NCKAP5: variants seen among roughly 807,000 people sequenced by gnomAD.
NCKAP5 encodes NCK associated protein 5, also known as nck-associated protein 5.
In NCKAP5, 92 loss-of-function variants were observed where a neutral mutation model predicts 167.0. That is an observed-to-expected ratio of 0.55 (90% CI 0.47 to 0.66). The LOEUF (loss-of-function observed/expected upper bound fraction) is 0.66. NCKAP5 is among the 30% of genes least tolerant of loss of function. NCKAP5 has a pLI of 0.00. For missense variants in NCKAP5, 2,378 were observed against 2,315.0 expected (o/e 1.03, Z -0.56); for synonymous variants, 891 against 877.4 (o/e 1.02, Z -0.27).
At chr2:133,453,678 C>T (rs1691680991) in intron 3 of NCKAP5, among the ~76,000 whole-genome samples, 1 of 151,842 alleles carries the variant, frequency 6.6e-6, no homozygotes, top group Non-Finnish European at 1.5e-5. Flanking sequence ...ATTCATAAAA[C>T]AGGAAAATGA....
intron 4 of NCKAP5, among the ~76,000 whole-genome samples, chr2:133,254,986 C>A (rs1295159180): frequency 6.6e-6 from 1 of 151,912 alleles, no homozygotes; most frequent in African/African-American, 2.4e-5. Flanking sequence ...AACTTCTGAC[C>A]TAATCATTAG....
At position 133,526,247 on chromosome 2, in the gene NCKAP5, AGGAGGGAGGGAG is replaced by A. The variant is rs1450146124; in HGVS notation, c.-61-8672_-61-8661del. On this transcript the variant is annotated intron_variant, in intron 2 of 19. Transcript: ENST00000409261. ...AGGAAGAAAGGAAAGGAGGGAGGGA[AGGAGGGAGGGAG>A]GGAAGGAGGGAGGGAGGGAAGGAGG... Among the ~76,000 whole-genome samples, 16 of 24,036 alleles carry A rather than the reference AGGAGGGAGGGAG, an allele frequency of 6.7e-4. 2 individuals carry two copies. The highest frequency in any genetic ancestry group is 2.5e-3 in the African/African-American group (13 of 5,120). 15.8% of individuals were successfully genotyped at this position (24,036 alleles called of 152,430 possible).
At chr2:133,163,535 T>G (rs2083883496) in intron 5 of NCKAP5, among the ~76,000 whole-genome samples, 1 of 152,192 alleles carries the variant, frequency 6.6e-6, no homozygotes, top group South Asian at 2.1e-4. Context: ...CAGGACAGCT[T>G]TATATTTTTG....
At chr2:133,570,064 A>AT (rs5834366), upstream of NCKAP5, among the ~76,000 whole-genome samples, 135 of 152,070 alleles carry the variant, frequency 8.9e-4, 1 homozygote, top group Middle Eastern at 6.8e-3. Flanking sequence ...GAAAACAAAA[A>AT]TGGAGGTAAC....
intron 19 of NCKAP5, among the ~76,000 whole-genome samples, chr2:132,683,215 T>C (rs191847722): frequency 4.6e-5 from 7 of 152,236 alleles, no homozygotes; most frequent in African/African-American, 1.7e-4. Context: ...ATGCTATCCG[T>C]TCTGACATCC....
intron 4 of NCKAP5, among the ~76,000 whole-genome samples, chr2:133,221,385 A>G (rs1002777368): frequency 9.2e-5 from 14 of 152,226 alleles, no homozygotes; most frequent in Non-Finnish European, 1.9e-4. Flanking sequence ...TATTAAATAC[A>G]CCTATATTGG....
At chr2:133,590,473 G>A in the NCKAP5 span, among the ~76,000 whole-genome samples, 1 of 149,068 alleles carries the variant, frequency 6.7e-6, no homozygotes, top group African/African-American at 2.5e-5. Context: ...GCAGTGAGCC[G>A]AGATCGCGCC....
intron 3 of NCKAP5, among the ~76,000 whole-genome samples, chr2:133,371,313 TC>T: frequency 6.6e-6 from 1 of 152,300 alleles, no homozygotes; most frequent in Non-Finnish European, 1.5e-5. Context: ...AAGCATATAA[TC>T]AAAGCATGTG....
intron 5 of NCKAP5, 97 bp downstream of exon 5, chr2:133,213,616 AAGC>A: frequency 1.7e-6 from 2 of 1,143,126 alleles, no homozygotes; most frequent in Non-Finnish European, 2.6e-6. Context: ...AGTTTGCTGC[AAGC>A]AAATATTTTC....
intron 16 of NCKAP5, among the ~76,000 whole-genome samples, chr2:132,750,589 G>C (rs1161310649): frequency 6.6e-6 from 1 of 152,154 alleles, no homozygotes; most frequent in Admixed American, 6.6e-5. Context: ...ATCATAATAG[G>C]AGGGTAACCA....
At chr2:133,430,040 A>G (rs1690058243) in intron 3 of NCKAP5, among the ~76,000 whole-genome samples, 1 of 151,978 alleles carries the variant, frequency 6.6e-6, no homozygotes, top group South Asian at 2.1e-4. Flanking sequence ...ATGGTATCTC[A>G]TTGTGGTTTT....
At chr2:133,235,628 G>A (rs2087367898) in intron 4 of NCKAP5, among the ~76,000 whole-genome samples, 1 of 152,068 alleles carries the variant, frequency 6.6e-6, no homozygotes. Flanking sequence ...TACAGGCTGG[G>A]CACAGTGGCT....
At chr2:133,552,589 C>A (rs1447292288) in intron 2 of NCKAP5, among the ~76,000 whole-genome samples, 1 of 103,424 alleles carries the variant, frequency 9.7e-6, no homozygotes, top group Non-Finnish European at 1.9e-5. Flanking sequence ...ACTCTGCGGA[C>A]TGTGGTGGGG....
At chr2:132,767,680 G>A (rs1681632203) in intron 16 of NCKAP5, among the ~76,000 whole-genome samples, 1 of 152,220 alleles carries the variant, frequency 6.6e-6, no homozygotes, top group Non-Finnish European at 1.5e-5. Context: ...CTAAAGTCTA[G>A]GAGAGGATAA....
intron 8 of NCKAP5, among the ~76,000 whole-genome samples, chr2:132,921,885 G>T (rs554263241): frequency 6.6e-6 from 1 of 152,198 alleles, no homozygotes; most frequent in Non-Finnish European, 1.5e-5. Context: ...CATGGCCTCA[G>T]TGACTGTTTC....
At chr2:133,051,892 T>G (rs1427203210) in intron 6 of NCKAP5, among the ~76,000 whole-genome samples, 1 of 152,120 alleles carries the variant, frequency 6.6e-6, no homozygotes, top group Non-Finnish European at 1.5e-5. Flanking sequence ...TACCCTCCAT[T>G]TGTAGATGAG....
At position 132,782,325 on chromosome 2, in the gene NCKAP5, C is replaced by G; in HGVS notation, c.4486G>C (p.Val1496Leu). ...KGQVQTKPTS[V>L]EAKQKPGPSF... is the part of the protein sequence containing the mutation. ...GGCCCAGGCTTCTGCTTTGCTTCCA[C>G]AGAGGTGGGCTTTGTTTGCACTTGG... The change falls in exon 14 of 20, where the codon GTG becomes CTG. Residue 1496 changes from valine to leucine, a missense_variant. By Grantham distance (32) the Val-to-Leu change is conservative. Transcript: ENST00000409261. The G allele has an allele frequency of 6.2e-7, 1 of 1,614,084 alleles. No individual in the cohort carries two copies. The highest frequency in any genetic ancestry group is 1.7e-5 in the Admixed American group (1 of 60,034).
chr2:133,036,760 T>C (rs1218497392), intron 6 of NCKAP5, among the ~76,000 whole-genome samples: 1 of 151,934 alleles, frequency 6.6e-6, no homozygotes, highest in East Asian at 1.9e-4. Context: ...ATCTGAAACA[T>C]GACAAGGATA....
At chr2:132,789,730 T>C (rs1048538727) in intron 13 of NCKAP5, among the ~76,000 whole-genome samples, 1 of 152,218 alleles carries the variant, frequency 6.6e-6, no homozygotes, top group Non-Finnish European at 1.5e-5. Context: ...CTAGTAGTAG[T>C]AATTATTAAA....
Sources: gnomAD v4.1 joint callset for allele counts (sites outside exome capture counted in the v4.1 genomes callset) on GRCh38, gnomAD v4.1.1 for gene constraint, MANE v1.5 for transcripts, NCBI Gene and HGNC (gene_info 2026-07-23, HGNC 2026-07-21) for gene names.